Variants in THSD4 observed in about 807,000 individuals in gnomAD.
The protein encoded by THSD4 is thrombospondin type 1 domain containing 4.
Under a neutral mutation model 119.0 loss-of-function variants are expected in THSD4, and 69 were observed. The observed-to-expected ratio is 0.58, with a 90% CI of 0.48 to 0.71. THSD4 has a LOEUF of 0.71. THSD4 is among the 30% of genes least tolerant of loss of function. The probability of loss-of-function intolerance (pLI) is 0.00; values close to 1 mark genes in which losing one functional copy is unlikely to be tolerated. For missense variants in THSD4, 1,393 were observed against 1,391.1 expected (o/e 1.00, Z -0.02); for synonymous variants, 524 against 540.4 (o/e 0.97, Z 0.42).
intron 7 of THSD4, among the ~76,000 whole-genome samples, chr15:71,573,389 A>G (rs1460610430): frequency 2.0e-5 from 3 of 152,242 alleles, no homozygotes; most frequent in Admixed American, 6.5e-5. Flanking sequence ...CTGAAATCCA[A>G]GGACCGAAGA....
chr15:71,768,560 ATTTTTTTTTTT>A (rs964263863), intron 16 of THSD4, among the ~76,000 whole-genome samples: 1 of 99,280 alleles, frequency 1.0e-5, no homozygotes, highest in African/African-American at 3.7e-5. Context: ...GCAGATCCTG[ATTTTTTTTTTT>A]TTTTTTTTTT....
At chr15:71,112,344 A>G, upstream of THSD4, 1 of 1,050,462 alleles carries the variant, frequency 9.5e-7, no homozygotes, top group Non-Finnish European at 1.3e-6. Flanking sequence ...ATTAATAATT[A>G]TAATAGGACA....
intron 6 of THSD4, among the ~76,000 whole-genome samples, chr15:71,356,041 T>C (rs2045805406): frequency 6.6e-6 from 1 of 152,006 alleles, no homozygotes; most frequent in African/African-American, 2.4e-5. Flanking sequence ...CTAATTTTTG[T>C]ATTTTTAGTA....
chr15:71,757,533 C>CAATCCTCCT (rs2053560692), intron 14 of THSD4, among the ~76,000 whole-genome samples: 1 of 152,138 alleles, frequency 6.6e-6, no homozygotes, highest in African/African-American at 2.4e-5. Flanking sequence ...TGGGCTCAAG[C>CAATCCTCCT]GATCCTCCCA....
chr15:71,714,863 G>T (rs776979283), intron 8 of THSD4, among the ~76,000 whole-genome samples: 2 of 152,024 alleles, frequency 1.3e-5, no homozygotes, highest in African/African-American at 4.8e-5. Flanking sequence ...TCCTGCACGT[G>T]TACCCCCAAT....
rs528139353 is a variant in THSD4 at position 71,365,947 on chromosome 15, T to C, written c.1016-45740T>C. Reference sequence around the variant, plus strand: ...CCTGTGTAGTGATCAAAACTTGCTTTAAAGTTAAATTACCACTCCCCTCTC... The same window carrying C: ...CCTGTGTAGTGATCAAAACTTGCTTCAAAGTTAAATTACCACTCCCCTCTC... On this transcript the variant is annotated intron_variant, in intron 6 of 17. Transcript: ENST00000261862. 2.0e-5 allele frequency among the ~76,000 whole-genome samples: 3 copies of C among 152,262 alleles called. No individual in the cohort carries two copies. In the South Asian group the frequency reaches 6.2e-4, roughly 32 times the overall value.
intron 7 of THSD4, among the ~76,000 whole-genome samples, chr15:71,482,035 C>T (rs1217082782): frequency 6.6e-6 from 1 of 152,148 alleles, no homozygotes; most frequent in Non-Finnish European, 1.5e-5. Context: ...AAAAATAATC[C>T]CTGCTCCTTC....
chr15:71,345,418 C>T (rs16955466), intron 6 of THSD4, among the ~76,000 whole-genome samples: 7,955 of 152,130 alleles, frequency 0.052, 523 homozygotes, highest in African/African-American at 0.15. Flanking sequence ...GTGATTGGCC[C>T]TTTCTTCAAA....
intron 4 of THSD4, among the ~76,000 whole-genome samples, chr15:71,225,811 G>A (rs1336784105): frequency 6.6e-6 from 1 of 152,068 alleles, no homozygotes; most frequent in Non-Finnish European, 1.5e-5. Flanking sequence ...AGAGTGCTGG[G>A]ATTACAGGCG....
chr15:71,222,975 GAAT>G lies in THSD4; in HGVS notation c.464+7584_464+7586del, dbSNP rs552468558. ...ATGTTACTTAACTTTTCCCTGGTGGGAATAATAATACACCTACCTCACTGAGTT... is the reference window on the plus strand; with the variant it reads ...ATGTTACTTAACTTTTCCCTGGTGGGAATAATACACCTACCTCACTGAGTT... On this transcript the variant is annotated intron_variant, in intron 4 of 17. Coordinates refer to ENST00000261862, the MANE Select transcript of THSD4 (RefSeq NM_024817.3). Among the ~76,000 whole-genome samples the G allele has an allele frequency of 2.0e-3, 305 of 152,234 alleles. 4 individuals are homozygous for G. The highest frequency in any genetic ancestry group is 6.9e-3 in the African/African-American group (288 of 41,512).
intron 7 of THSD4, among the ~76,000 whole-genome samples, chr15:71,632,023 C>T (rs1029654739): frequency 3.3e-5 from 5 of 152,116 alleles, no homozygotes; most frequent in East Asian, 1.9e-4. Flanking sequence ...GCCTGAGCCT[C>T]GGTTTTCCCA....
intron 7 of THSD4, among the ~76,000 whole-genome samples, chr15:71,442,672 A>G (rs11072287): frequency 0.25 from 14,214 of 56,474 alleles, 3,570 homozygotes; most frequent in East Asian, 0.43. Context: ...ATATATATAT[A>G]TATATATATA....
intron 7 of THSD4, among the ~76,000 whole-genome samples, chr15:71,499,740 G>T (rs75419093): frequency 0.023 from 3,445 of 152,134 alleles, 129 homozygotes; most frequent in African/African-American, 0.079. Flanking sequence ...CATATAACTG[G>T]AACCATACAG....
In THSD4 at chr15:71,746,917, G is replaced by C; in HGVS notation, c.2116G>C (p.Val706Leu). The change falls in exon 13 of 18, where the codon GTG becomes CTG. Residue 706 changes from valine to leucine, a missense_variant. By Grantham distance (32) the Val-to-Leu change is conservative. Coordinates refer to ENST00000261862, the MANE Select transcript of THSD4 (RefSeq NM_024817.3). ...GCACCGCCAGGTTCTGTGCCGCCAG[G>C]TGTACGCCAACCGCAGCCTGACGGT... is the stretch of plus-strand genomic sequence containing the variant. ...MQHRQVLCRQ[V>L]YANRSLTVQP... 1 of 1,614,016 alleles carries C rather than the reference G, an allele frequency of 6.2e-7. No homozygotes were observed. The highest frequency in any genetic ancestry group is 1.1e-5 in the South Asian group (1 of 91,080).
chr15:71,302,632 A>G (rs1391789894), intron 6 of THSD4, among the ~76,000 whole-genome samples: 1 of 152,208 alleles, frequency 6.6e-6, no homozygotes, highest in East Asian at 1.9e-4. Flanking sequence ...GGCAATGCAG[A>G]TTTTTGGATC....
At chr15:71,197,220 A>G (rs1181542963) in intron 3 of THSD4, among the ~76,000 whole-genome samples, 4 of 152,218 alleles carry the variant, frequency 2.6e-5, no homozygotes, top group Non-Finnish European at 5.9e-5. Context: ...TGCATGGCCA[A>G]CACTCAGCAC....
rs116921891 is a variant in THSD4 at position 71,181,431 on chromosome 15, T to C, written c.99+26499T>C. 3.0e-3 allele frequency among the ~76,000 whole-genome samples: 464 copies of C among 152,348 alleles called. 5 individuals are homozygous for C. Among genetic ancestry groups the C allele is most frequent in the Non-Finnish European group, 4.5e-3 (307 of 68,036 alleles). ...TGTGTTTGGAAGGCCCTTTACAATG[T>C]TGCAGAAGGAGAACATCTTCAGGCT... On this transcript the variant is annotated intron_variant, in intron 3 of 17. Transcript: ENST00000261862.
chr15:71,280,170 A>G (rs1157321986), intron 6 of THSD4, among the ~76,000 whole-genome samples: 1 of 152,220 alleles, frequency 6.6e-6, no homozygotes, highest in African/African-American at 2.4e-5. Flanking sequence ...GTGCTTGGGC[A>G]GAAAATACAG....
intron 3 of THSD4, among the ~76,000 whole-genome samples, chr15:71,156,897 GC>G (rs1340615391): frequency 6.6e-6 from 1 of 152,076 alleles, no homozygotes; most frequent in Non-Finnish European, 1.5e-5. Context: ...GGAAAACCTG[GC>G]CAAGGTCTAA....
Sources: gnomAD v4.1 joint callset for allele counts (sites outside exome capture counted in the v4.1 genomes callset) on GRCh38, gnomAD v4.1.1 for gene constraint, MANE v1.5 for transcripts, NCBI Gene and HGNC (gene_info 2026-07-23, HGNC 2026-07-21) for gene names.